The following DCUN1D3 variants were observed in gnomAD, a reference collection of about 807,000 sequenced individuals.
The protein encoded by DCUN1D3 is DCN1-like protein 3.
A neutral mutation model predicts 24.8 loss-of-function variants in DCUN1D3; 6 were observed. That is an observed-to-expected ratio of 0.24 (90% confidence interval 0.13 to 0.48). DCUN1D3 has a LOEUF of 0.48. DCUN1D3 is among the 20% of genes least tolerant of loss of function. The pLI is 0.99. For missense variants in DCUN1D3, 258 were observed against 379.4 expected, an observed-to-expected ratio of 0.68 and a Z score of 2.66; for synonymous variants, 120 against 144.9, an observed-to-expected ratio of 0.83 and a Z score of 1.24.
chr16:20,862,160 C>T lies in DCUN1D3; in HGVS notation c.379G>A (p.Val127Met), dbSNP rs1243493536. The change falls in exon 2 of 3, where the codon GTG (valine) becomes ATG (methionine). Residue 127 changes from valine to methionine, a missense_variant. Physicochemically the swap from Val to Met is conservative, Grantham distance 21. Transcript: ENST00000324344. ...TGGAACTTCCAAGCCAAGAGCAGCA[C>T]TCGAAATTCTGTGGGGTCAACACAC... ...DLCVDPTEFR[V>M]LLLAWKFQAA... is the part of the protein sequence containing the mutation. The T allele has an allele frequency of 6.2e-6, 10 of 1,614,224 alleles. No homozygotes were observed. The highest frequency in any genetic ancestry group is 8.5e-6 in the Non-Finnish European group (10 of 1,180,036).
Position 20,859,944 on chromosome 16 carries a change from T to C in DCUN1D3, c.857A>G (p.Glu286Gly). The C allele has an allele frequency of 1.2e-6, 2 of 1,614,160 alleles. No individual in the cohort carries two copies. The highest frequency in any genetic ancestry group is 1.7e-6 in the Non-Finnish European group (2 of 1,180,018). ...WEMERRKREG[E>G]GRGALSSGPE... Reference sequence around the variant, plus strand: ...CCCTGAGCTGAGTGCACCTCTCCCTTCCCCTTCTCTTTTCCTTCGCTCCAT... The same window carrying C: ...CCCTGAGCTGAGTGCACCTCTCCCTCCCCCTTCTCTTTTCCTTCGCTCCAT... Residue 286 changes from glutamate to glycine, a missense_variant, in exon 3 of 3, where the codon GAA becomes GGA. Glu to Gly is a moderately conservative substitution (Grantham distance 98). Coordinates refer to ENST00000324344, the MANE Select transcript of DCUN1D3 (RefSeq NM_173475.4).
rs1239275202 is a variant in DCUN1D3 at position 20,860,201 on chromosome 16, C to A, written c.600G>T (p.Leu200=). ...GLDSEEGQRS[L]HREIAIALWK... ...ACAGGGCAATGGCTATTTCCCGATG[C>A]AGTGACCGCTGCCCTTCTTCAGAGT... Residue 200 remains leucine, a synonymous_variant, in exon 3 of 3, where the codon CTG becomes CTT. Transcript: ENST00000324344. The surrounding 1 kb of genome is among the most constrained non-coding windows in gnomAD (Gnocchi z 4.3). The A allele has an allele frequency of 9.9e-6, 16 of 1,614,134 alleles. No individual in the cohort carries two copies. Among genetic ancestry groups the A allele is most frequent in the Non-Finnish European group, 1.4e-5 (16 of 1,180,058 alleles).
At chr16:20,867,645 T>C (rs754499849) in intron 1 of DCUN1D3, among the ~76,000 whole-genome samples, 3 of 152,224 alleles carry the variant, frequency 2.0e-5, no homozygotes, top group Non-Finnish European at 4.4e-5. Flanking sequence ...TAAAGGTACA[T>C]GGCTTCAGAG....
intron 1 of DCUN1D3, among the ~76,000 whole-genome samples, chr16:20,875,210 G>GCACA (rs3222584): frequency 0.019 from 2,605 of 140,278 alleles, 29 homozygotes; most frequent in Middle Eastern, 0.051. Context: ...GTGCGCTCAT[G>GCACA]CACACACACA....
intron 1 of DCUN1D3, 45 bp from the exon 2 acceptor site, chr16:20,862,688 G>C: frequency 6.7e-7 from 1 of 1,484,896 alleles, no homozygotes; most frequent in Admixed American, 2.5e-5. Flanking sequence ...GGGGGAAATG[G>C]GGTATGGACC....
rs537733579 is a variant in DCUN1D3 at position 20,858,070 on chromosome 16, T to C, written c.*1816A>G. ...ACAAAGTCTCATTACCTCAAGAGTA[T>C]AAATATTTTTATACGTTTTTATTTA... On this transcript the variant is annotated 3_prime_UTR_variant, in exon 3 of 3. Coordinates refer to ENST00000324344, the MANE Select transcript of DCUN1D3 (RefSeq NM_173475.4). 2.0e-5 allele frequency: 3 copies of C among 152,734 alleles called. No individual in the cohort carries two copies. In the South Asian group the frequency reaches 6.2e-4, roughly 32 times the overall value. 9.5% of individuals were successfully genotyped at this position (152,734 alleles called of 1,614,324 possible). A position where few individuals can be genotyped will look rare whatever the true frequency, so the allele number is the denominator to read the frequency against.
intron 1 of DCUN1D3, among the ~76,000 whole-genome samples, chr16:20,867,295 C>A (rs1040244278): frequency 3.3e-5 from 5 of 152,132 alleles, no homozygotes; most frequent in African/African-American, 4.8e-5. Flanking sequence ...GACACCACAG[C>A]AACCCCAGAG....
At chr16:20,862,010 T>C in intron 2 of DCUN1D3, 98 bp downstream of exon 2, 3 of 1,355,352 alleles carry the variant, frequency 2.2e-6, no homozygotes, top group South Asian at 1.4e-5. Flanking sequence ...CAAAACCCTA[T>C]GAAGCCAACC....
chr16:20,890,856 C>T lies in DCUN1D3; in HGVS notation c.-106+9348G>A, dbSNP rs570800465. Among the ~76,000 whole-genome samples, 6 of 151,978 alleles carry T rather than the reference C, an allele frequency of 3.9e-5. No individual in the cohort carries two copies. The East Asian group carries it at 7.8e-4, about 20-fold the overall frequency. ...TGTCACCAATTCAGAGCACTGCTTG[C>T]AGGTCGGCACTAGCAGGAAATCAGG... is the stretch of plus-strand genomic sequence containing the variant. On this transcript the variant is annotated intron_variant, in intron 1 of 2. Coordinates refer to ENST00000324344, the MANE Select transcript of DCUN1D3 (RefSeq NM_173475.4).
intron 1 of DCUN1D3, among the ~76,000 whole-genome samples, chr16:20,866,222 C>T (rs1335531035): frequency 2.6e-5 from 4 of 152,126 alleles, no homozygotes; most frequent in Non-Finnish European, 5.9e-5. Context: ...ATGTGGAGGG[C>T]CTGGTTTCCA....
At chr16:20,882,162 C>A (rs1055718704) in intron 1 of DCUN1D3, among the ~76,000 whole-genome samples, 1 of 151,900 alleles carries the variant, frequency 6.6e-6, no homozygotes, top group Non-Finnish European at 1.5e-5. Flanking sequence ...TCTAGTCTTT[C>A]ATGCCTTATG....
At chr16:20,879,558 C>T (rs1320357949) in intron 1 of DCUN1D3, among the ~76,000 whole-genome samples, 2 of 152,254 alleles carry the variant, frequency 1.3e-5, no homozygotes, top group Middle Eastern at 3.4e-3. Flanking sequence ...TTCTGGATTG[C>T]TAACATCCAA....
chr16:20,870,017 AG>A (rs1279002060), intron 1 of DCUN1D3, among the ~76,000 whole-genome samples: 1 of 152,204 alleles, frequency 6.6e-6, no homozygotes, highest in Admixed American at 6.5e-5. Context: ...CCAAGTCAAT[AG>A]GAACAGAATA....
At chr16:20,891,716 A>G (rs982548655) in intron 1 of DCUN1D3, among the ~76,000 whole-genome samples, 5 of 152,198 alleles carry the variant, frequency 3.3e-5, no homozygotes, top group African/African-American at 1.2e-4. Flanking sequence ...TCCATCTTGG[A>G]GAACAATTTG....
intron 2 of DCUN1D3, among the ~76,000 whole-genome samples, chr16:20,861,739 C>T (rs1301944528): frequency 1.4e-5 from 2 of 144,524 alleles, no homozygotes; most frequent in African/African-American, 5.3e-5. Context: ...TAGGCAAAGG[C>T]GTTATTCTGC....
chr16:20,883,233 C>T (rs1427180228), intron 1 of DCUN1D3, among the ~76,000 whole-genome samples: 1 of 152,204 alleles, frequency 6.6e-6, no homozygotes, highest in African/African-American at 2.4e-5. Context: ...TTTGTTCTGG[C>T]CGGATGCGGT....
intron 1 of DCUN1D3, among the ~76,000 whole-genome samples, chr16:20,893,471 C>T (rs751360858): frequency 7.2e-5 from 11 of 152,220 alleles, no homozygotes; most frequent in Non-Finnish European, 1.2e-4. Flanking sequence ...CATTACCATG[C>T]CTGGCCTACT....
At chr16:20,879,046 G>C (rs947909594) in intron 1 of DCUN1D3, among the ~76,000 whole-genome samples, 7 of 152,128 alleles carry the variant, frequency 4.6e-5, no homozygotes, top group Non-Finnish European at 7.4e-5. Flanking sequence ...ATGATATTTG[G>C]GGTAGAAAGA....
rs1261277922 is a variant in DCUN1D3, at chr16:20,859,034, CAAAG to C, written c.*848_*851del. On this transcript the variant is annotated 3_prime_UTR_variant, in exon 3 of 3. Transcript: ENST00000324344. ...AACTTCATCAAAGAAAGAAAACTAT[CAAAG>C]AAGTCTACTTCCAGCAAAACTGAGG... 1 of 151,904 alleles carries C rather than the reference CAAAG, an allele frequency of 6.6e-6. No individual in the cohort carries two copies. Among genetic ancestry groups the C allele is most frequent in the African/African-American group, 2.4e-5 (1 of 41,142 alleles). 9.4% of individuals were successfully genotyped at this position (151,904 alleles called of 1,614,324 possible).
Sources: gnomAD v4.1 joint callset for allele counts (sites outside exome capture counted in the v4.1 genomes callset) on GRCh38, gnomAD v4.1.1 for gene constraint, Gnocchi (gnomAD v3.1) non-coding constraint, MANE v1.5 for transcripts, NCBI Gene and HGNC (gene_info 2026-07-23, HGNC 2026-07-21) for gene names.